The following PTDSS2 variants were observed in gnomAD, a reference collection of about 807,000 sequenced individuals.
PTDSS2 encodes phosphatidylserine synthase 2.
Under a neutral mutation model 64.7 loss-of-function variants are expected in PTDSS2, and 41 were observed. The observed-to-expected ratio is 0.63, with a 90% CI of 0.49 to 0.82. PTDSS2 has a LOEUF of 0.82. Among genes scored for constraint, PTDSS2 ranks in the 40% least tolerant of loss-of-function variants. The probability of loss-of-function intolerance (pLI) is 0.00; values close to 1 mark genes in which losing one functional copy is unlikely to be tolerated. For missense variants in PTDSS2, 485 were observed against 650.0 expected (o/e 0.75, Z 2.76); for synonymous variants, 297 against 277.8 (o/e 1.07, Z -0.69).
chr11:472,895 G>A (rs1409344150), intron 2 of PTDSS2, among the ~76,000 whole-genome samples: 1 of 152,232 alleles, frequency 6.6e-6, no homozygotes, highest in Non-Finnish European at 1.5e-5. Flanking sequence ...ACACGCCAAG[G>A]TGTGACTGTC....
chr11:458,507 A>ATTTT (rs3082636), intron 1 of PTDSS2, among the ~76,000 whole-genome samples: 9 of 93,902 alleles, frequency 9.6e-5, no homozygotes, highest in African/African-American at 1.8e-4. Context: ...GCCTGGCCTG[A>ATTTT]TTTTTTTTTT....
intron 1 of PTDSS2, among the ~76,000 whole-genome samples, chr11:457,569 G>A (rs894745604): frequency 2.6e-5 from 4 of 152,200 alleles, no homozygotes; most frequent in African/African-American, 9.7e-5. Flanking sequence ...CGTTGAGGTC[G>A]TTGCCAGCAG....
At chr11:456,187 T>C (rs1282882807) in intron 1 of PTDSS2, among the ~76,000 whole-genome samples, 7 of 148,246 alleles carry the variant, frequency 4.7e-5, no homozygotes, top group Non-Finnish European at 1.0e-4. Flanking sequence ...TTTTTTTTTT[T>C]TTTGAGACAG....
chr11:465,842 C>T (rs1246242476), intron 2 of PTDSS2, among the ~76,000 whole-genome samples: 7 of 151,590 alleles, frequency 4.6e-5, no homozygotes, highest in Admixed American at 1.3e-4. Flanking sequence ...CTCAGGAGAC[C>T]GAGGCGAGAG....
upstream of PTDSS2, chr11:450,226 C>T (rs1764262252): frequency 8.2e-6 from 3 of 367,846 alleles, no homozygotes; most frequent in South Asian, 1.5e-4. Flanking sequence ...CTGCGTCCAA[C>T]CCGCGACGTC....
At chr11:485,515 G>A (rs1349499863) in intron 4 of PTDSS2, among the ~76,000 whole-genome samples, 1 of 148,002 alleles carries the variant, frequency 6.8e-6, no homozygotes, top group African/African-American at 2.5e-5. Context: ...ACAGGCGCGT[G>A]TGCTCACCGT....
At chr11:474,476 TG>T (rs1271429674) in intron 3 of PTDSS2, among the ~76,000 whole-genome samples, 2 of 139,920 alleles carry the variant, frequency 1.4e-5, no homozygotes, top group African/African-American at 5.3e-5. Context: ...CATGGGCGGG[TG>T]GGTGAGGGCT....
intron 1 of PTDSS2, among the ~76,000 whole-genome samples, chr11:454,309 T>C (rs1415412092): frequency 6.6e-6 from 1 of 152,204 alleles, no homozygotes; most frequent in Non-Finnish European, 1.5e-5. Flanking sequence ...TGCTGGGCAC[T>C]CGGTGGCCAC....
At position 488,184 on chromosome 11, in the gene PTDSS2, C is replaced by T. The variant is rs1848489385; in HGVS notation, c.622-15C>T. The stretch of plus-strand genomic sequence containing the variant: ...GGCCGGCGTCCCATACTCTGGCTGA[C>T]CCTGGCGCCCACAGACCCTGATGAT... On this transcript the variant is annotated splice_polypyrimidine_tract_variant and intron_variant, in intron 6 of 11. Coordinates refer to ENST00000308020, the MANE Select transcript of PTDSS2 (RefSeq NM_030783.3). 3.8e-6 allele frequency: 6 copies of T among 1,593,990 alleles called. No individual in the cohort carries two copies. The highest frequency in any genetic ancestry group is 2.7e-5 in the African/African-American group (2 of 74,514).
intron 6 of PTDSS2, 131 bp from the exon 7 acceptor site, chr11:488,067 AC>A: frequency 4.8e-6 from 3 of 627,956 alleles, no homozygotes; most frequent in Non-Finnish European, 8.4e-6. Flanking sequence ...GGCTGCACGC[AC>A]CCGTGGGCAG....
intron 6 of PTDSS2, 68 bp downstream of exon 6, chr11:487,538 T>G: frequency 1.4e-6 from 2 of 1,442,874 alleles, no homozygotes; most frequent in Non-Finnish European, 2.0e-6. Context: ...CTGGACCGTT[T>G]CTGTCCATGG....
In PTDSS2 at chr11:489,940, G is replaced by A. The variant is rs756711384; in HGVS notation, c.1173G>A (p.Thr391=). Reference sequence around the variant, plus strand: ...GGCTGGTGGCGGCCATCACGGCCACGGAGCTGCTCATCGTGGTGAAGTACG... The same window carrying A: ...GGCTGGTGGCGGCCATCACGGCCACAGAGCTGCTCATCGTGGTGAAGTACG... ...QAWLVAAITA[T]ELLIVVKYDP... The change falls in exon 11 of 12, where the codon ACG becomes ACA. Residue 391 remains threonine (T), a synonymous_variant. Transcript: ENST00000308020. 41 of 1,608,624 alleles carry A rather than the reference G, an allele frequency of 2.5e-5. No individual in the cohort carries two copies. Among genetic ancestry groups the A allele is most frequent in the East Asian group, 4.5e-5 (2 of 44,782 alleles).
At position 490,714 on chromosome 11, in the gene PTDSS2, G is replaced by A. The variant is rs1848638031; in HGVS notation, c.*132G>A. The A allele has an allele frequency of 7.6e-6, 7 of 921,404 alleles. No individual in the cohort carries two copies. The highest frequency in any genetic ancestry group is 2.6e-5 in the East Asian group (1 of 37,836). The allele number at this position is 921,404 out of a possible 1,614,324, so 57.1% of individuals were successfully genotyped here. A position where few individuals can be genotyped will look rare whatever the true frequency, so the allele number is the denominator to read the frequency against. On this transcript the variant is annotated 3_prime_UTR_variant, in exon 12 of 12. Coordinates refer to ENST00000308020, the MANE Select transcript of PTDSS2 (RefSeq NM_030783.3). ...TTTGCTTTTCTCCTGTGCACCTGGC[G>A]AGGCTGAAGGCGAGGGGTGGAGGAG...
At chr11:489,363 G>A in intron 8 of PTDSS2, 37 bp from the exon 9 acceptor site, 1 of 1,575,808 alleles carries the variant, frequency 6.3e-7, no homozygotes, top group South Asian at 1.1e-5. Context: ...GGTTCGGTGG[G>A]CTGCCTTCCT....
At chr11:478,058 C>T (rs1477551005) in intron 3 of PTDSS2, among the ~76,000 whole-genome samples, 3 of 152,174 alleles carry the variant, frequency 2.0e-5, no homozygotes, top group Non-Finnish European at 2.9e-5. Context: ...CACGTCTTGC[C>T]GTGAGCTGCT....
At position 486,935 on chromosome 11, in the gene PTDSS2, G is replaced by A. The variant is rs1413408517; in HGVS notation, c.436-4G>A. 4 of 1,607,984 alleles carry A rather than the reference G, an allele frequency of 2.5e-6. No individual in the cohort carries two copies. The highest frequency in any genetic ancestry group is 1.7e-5 in the Admixed American group (1 of 59,560). On this transcript the variant is annotated splice_polypyrimidine_tract_variant and splice_region_variant and intron_variant, in intron 4 of 11. Transcript: ENST00000308020. Reference sequence around the variant, plus strand: ...CCCCGCTGACGGGGGCACTGGCCTTGCAGACTGTCCAGGACGGCCGGCAGT... The same window carrying A: ...CCCCGCTGACGGGGGCACTGGCCTTACAGACTGTCCAGGACGGCCGGCAGT...
Position 479,245 on chromosome 11 carries a change from C to A in PTDSS2, c.435+93C>A. On this transcript the variant is annotated intron_variant, in intron 4 of 11. Transcript: ENST00000308020. This position sits in a 1 kb window ranked among gnomAD's most constrained non-coding sequence, Gnocchi z 4.2. ...AAGGAGGCCTTGCCCACACAGCCCT[C>A]GAGTGATGGGAGGAAGCAGGGCTAG... 1 of 1,061,354 alleles carries A rather than the reference C, an allele frequency of 9.4e-7. No homozygotes were observed. Among genetic ancestry groups the A allele is most frequent in the Non-Finnish European group, 1.5e-6 (1 of 676,524 alleles). The allele number at this position is 1,061,354 out of a possible 1,614,324, so 65.7% of individuals were successfully genotyped here. A position where few individuals can be genotyped will look rare whatever the true frequency, so the allele number is the denominator to read the frequency against.
intron 1 of PTDSS2, among the ~76,000 whole-genome samples, chr11:453,316 G>A (rs1003688773): frequency 6.6e-6 from 1 of 152,150 alleles, no homozygotes. Flanking sequence ...AAATTGTTTG[G>A]GAGAACACTT....
chr11:453,012 T>C (rs1332848599), intron 1 of PTDSS2, among the ~76,000 whole-genome samples: 2 of 152,162 alleles, frequency 1.3e-5, no homozygotes, highest in East Asian at 1.9e-4. Context: ...ATTACAGGCA[T>C]GCACCACCAC....
Sources: allele counts gnomAD v4.1 joint callset (sites outside exome capture counted in the v4.1 genomes callset), GRCh38; gene constraint gnomAD v4.1.1; non-coding constraint Gnocchi (gnomAD v3.1); transcripts MANE v1.5; gene names NCBI Gene and HGNC (gene_info 2026-07-23, HGNC 2026-07-21).